ZNF69: variants seen among roughly 807,000 people sequenced by gnomAD.
ZNF69 encodes the protein zinc finger protein 69, also known as ZNF3.
A neutral mutation model predicts 50.9 loss-of-function variants in ZNF69; 47 were observed. The observed-to-expected ratio is 0.92, with a 90% CI of 0.73 to 1.18. The LOEUF (loss-of-function observed/expected upper bound fraction) is 1.18. ZNF69 is among the 50% of genes most tolerant of loss of function. The probability of loss-of-function intolerance (pLI) is 0.00; values close to 1 mark genes in which losing one functional copy is unlikely to be tolerated. For synonymous variants in ZNF69, 216 were observed against 223.1 expected (o/e 0.97, Z 0.29); for missense variants, 717 against 675.1 (o/e 1.06, Z -0.69).
At chr19:11,966,422 G>A in the ZNF69 span, among the ~76,000 whole-genome samples, 1 of 152,168 alleles carries the variant, frequency 6.6e-6, no homozygotes. Flanking sequence ...CGCCCAGGCT[G>A]GAGTGCAATG....
chr19:11,926,471 C>T, the ZNF69 span: 1 of 152,464 alleles, frequency 6.6e-6, no homozygotes, highest in Non-Finnish European at 1.5e-5. Context: ...TCACTGCAAC[C>T]TCCACCTTCC....
At chr19:11,963,142 T>TGCA in the ZNF69 span, among the ~76,000 whole-genome samples, 14 of 151,320 alleles carry the variant, frequency 9.3e-5, no homozygotes, top group South Asian at 2.1e-4. Context: ...CTTGCTGAAG[T>TGCA]GCAGTAGCCT....
chr19:11,917,729 G>A (rs543349777), downstream of ZNF69, among the ~76,000 whole-genome samples: 13 of 150,182 alleles, frequency 8.7e-5, no homozygotes, highest in East Asian at 2.0e-3. Context: ...TTGCCTCCCA[G>A]ATTCTCCTGG....
chr19:11,893,026 G>C (rs1490489104), intron 1 of ZNF69, among the ~76,000 whole-genome samples: 1 of 152,060 alleles, frequency 6.6e-6, no homozygotes, highest in Non-Finnish European at 1.5e-5. Flanking sequence ...GTAAACACGG[G>C]GTTTTACCAC....
chr19:11,888,926 G>A (rs998516573), intron 1 of ZNF69, among the ~76,000 whole-genome samples: 2 of 147,708 alleles, frequency 1.4e-5, no homozygotes, highest in East Asian at 1.9e-4. Flanking sequence ...AGCCCACACA[G>A]TGCCACTGCA....
At chr19:11,952,258 A>G in the ZNF69 span, among the ~76,000 whole-genome samples, 2 of 152,216 alleles carry the variant, frequency 1.3e-5, no homozygotes, top group Admixed American at 6.5e-5. Flanking sequence ...CTTATTCTCT[A>G]AAGACTAAAA....
At chr19:11,957,376 G>A in the ZNF69 span, among the ~76,000 whole-genome samples, 2 of 151,970 alleles carry the variant, frequency 1.3e-5, no homozygotes, top group South Asian at 2.1e-4. Context: ...TTACAGGCGT[G>A]AGCCACCGTG....
At chr19:11,947,574 G>C in the ZNF69 span, 1 of 1,613,132 alleles carries the variant, frequency 6.2e-7, no homozygotes, top group Non-Finnish European at 8.5e-7. Flanking sequence ...AGAAGCTTCA[G>C]GTAATTTGCA....
chr19:11,900,103 G>A (rs992298002), intron 1 of ZNF69, among the ~76,000 whole-genome samples: 3 of 151,948 alleles, frequency 2.0e-5, no homozygotes, highest in African/African-American at 4.8e-5. Context: ...ACAGGTGTAC[G>A]CCGCCATGCA....
the ZNF69 span, among the ~76,000 whole-genome samples, chr19:11,959,401 A>T: frequency 6.6e-6 from 1 of 152,204 alleles, no homozygotes. Context: ...CCTTGGTCTC[A>T]CTTATTTTTG....
rs543801338 is a variant in ZNF69, at chr19:11,893,958, A to C, written c.63+5972A>C. Among the ~76,000 whole-genome samples, 6 of 152,254 alleles carry C rather than the reference A, an allele frequency of 3.9e-5. No homozygotes were observed. The South Asian group carries it at 6.2e-4, about 16-fold the overall frequency. ...TCAACCGTGAAGGGAGAAATATCCC[A>C]AAAGACAAGGAACAGCCACTCCAAC... On this transcript the variant is annotated intron_variant, in intron 1 of 3. Transcript: ENST00000429654.
chr19:11,931,695 C>T, the ZNF69 span, among the ~76,000 whole-genome samples: 1 of 147,848 alleles, frequency 6.8e-6, no homozygotes, highest in Non-Finnish European at 1.5e-5. Context: ...TACTTAATCT[C>T]CTTTTAAGGA....
the ZNF69 span, chr19:11,950,530 A>G: frequency 1.1e-5 from 7 of 616,424 alleles, no homozygotes; most frequent in East Asian, 3.3e-5. Flanking sequence ...GTGAAACCCT[A>G]TGAATGTAAG....
the ZNF69 span, chr19:11,948,750 A>C: frequency 6.8e-6 from 11 of 1,611,980 alleles, no homozygotes; most frequent in East Asian, 2.0e-4. Context: ...TCCATGAAAG[A>C]ACTCACACTG....
chr19:11,906,028 G>A lies in ZNF69; in HGVS notation c.1631G>A (p.Arg544Lys). The change falls in exon 4 of 4, where the codon AGA (arginine) becomes AAA (lysine). Residue 544 changes from arginine to lysine, a missense_variant. Arg to Lys is a conservative substitution (Grantham distance 26). Coordinates refer to ENST00000429654, the MANE Select transcript of ZNF69 (RefSeq NM_001364730.1). Reference sequence around the variant, plus strand: ...TGCAAGCAATGTGGGAAAGCCTTCAGAGCTGCCTCAGTCCTTCGAATGCAT... The same window carrying A: ...TGCAAGCAATGTGGGAAAGCCTTCAAAGCTGCCTCAGTCCTTCGAATGCAT... ...YKCKQCGKAFRAASVLRMHGR... is the reference protein window; with the variant it reads ...YKCKQCGKAFKAASVLRMHGR... 6.2e-7 allele frequency: 1 copy of A among 1,613,864 alleles called. No individual in the cohort carries two copies. The highest frequency in any genetic ancestry group is 8.5e-7 in the Non-Finnish European group (1 of 1,179,950).
the ZNF69 span, chr19:11,939,952 C>CTT: frequency 0.092 from 13,301 of 144,250 alleles, 1,127 homozygotes; most frequent in African/African-American, 0.23. Context: ...AAGACGTTTT[C>CTT]TTTTTTTTTT....
At chr19:11,944,323 T>C in the ZNF69 span, among the ~76,000 whole-genome samples, 1 of 109,326 alleles carries the variant, frequency 9.1e-6, no homozygotes, top group Non-Finnish European at 1.6e-5. Flanking sequence ...AATTTAATCT[T>C]AATACCACAG....
chr19:11,978,811 G>A, the ZNF69 span: 1 of 1,614,042 alleles, frequency 6.2e-7, no homozygotes, highest in Non-Finnish European at 8.5e-7. Context: ...TTCAGTTGGT[G>A]TCATTCCTTT....
the ZNF69 span, chr19:11,978,021 C>A: frequency 6.8e-7 from 1 of 1,466,860 alleles, no homozygotes; most frequent in Non-Finnish European, 9.2e-7. Context: ...AGAAAGCCTA[C>A]ACCTTGATGG....
Sources: allele counts gnomAD v4.1 joint callset (sites outside exome capture counted in the v4.1 genomes callset), GRCh38; gene constraint gnomAD v4.1.1; transcripts MANE v1.5; gene names NCBI Gene and HGNC (gene_info 2026-07-23, HGNC 2026-07-21).